Variants in NFE2L3 observed in about 807,000 individuals in gnomAD.
NFE2L3 encodes the protein nuclear factor erythroid 2-related factor 3.
In NFE2L3, 18 loss-of-function variants were observed where a neutral mutation model predicts 23.5. The observed-to-expected ratio is 0.77, with a 90% confidence interval of 0.53 to 1.13. NFE2L3 has a LOEUF of 1.13. Among genes scored for constraint, NFE2L3 ranks in the 50% most tolerant of loss-of-function variants. NFE2L3 has a pLI of 0.00. For synonymous variants in NFE2L3, 424 were observed against 354.5 expected (o/e 1.20, Z -2.20); for missense variants, 1,152 against 877.2 (o/e 1.31, Z -3.96).
At chr7:26,175,192 CAAAAAAAAAA>C (rs55911511) in intron 1 of NFE2L3, among the ~76,000 whole-genome samples, 5 of 101,806 alleles carry the variant, frequency 4.9e-5, no homozygotes, top group Non-Finnish European at 2.1e-5. Context: ...TAAAAAATAC[CAAAAAAAAAA>C]AAAAAAAAAT....
intron 1 of NFE2L3, among the ~76,000 whole-genome samples, chr7:26,167,824 G>A (rs940147944): frequency 6.6e-6 from 1 of 152,164 alleles, no homozygotes. Flanking sequence ...ATCATTAATT[G>A]CAAATCTTCA....
In NFE2L3 at chr7:26,177,947, A is replaced by G. The variant is rs189561439; in HGVS notation, c.575A>G (p.Asn192Ser). ...PDAGGCASEE[N>S]GVLREKHEAV... The stretch of plus-strand genomic sequence containing the variant: ...TGAAATTTCGTACTTTTATAGGAGA[A>G]TGGGGTACTAAGAGAAAAGCACGAA... Residue 192 changes from asparagine to serine, a missense_variant, in exon 2 of 4, where the codon AAT becomes AGT. Coordinates refer to ENST00000056233, the MANE Select transcript of NFE2L3 (RefSeq NM_004289.7). 62 of 1,611,520 alleles carry G rather than the reference A, an allele frequency of 3.8e-5. No individual in the cohort carries two copies. The African/African-American group carries it at 6.4e-4, about 17-fold the overall frequency.
chr7:26,158,971 A>G lies in NFE2L3; in HGVS notation c.570+5903A>G, dbSNP rs1198474255. Reference sequence around the variant, plus strand: ...GCAAGTTGAGCAGGGTTGATACACTATTAATAATTCAGGTGGGGCTTGTAC... The same window carrying G: ...GCAAGTTGAGCAGGGTTGATACACTGTTAATAATTCAGGTGGGGCTTGTAC... On this transcript the variant is annotated intron_variant, in intron 1 of 3. Transcript: ENST00000056233. Among the ~76,000 whole-genome samples, 6 of 152,232 alleles carry G rather than the reference A, an allele frequency of 3.9e-5. No homozygotes were observed. In the East Asian group the frequency reaches 1.2e-3, roughly 29 times the overall value.
At chr7:26,181,103 G>A (rs1784499015) in intron 2 of NFE2L3, among the ~76,000 whole-genome samples, 1 of 152,002 alleles carries the variant, frequency 6.6e-6, no homozygotes, top group Non-Finnish European at 1.5e-5. Context: ...AGCCTCCCAA[G>A]TAACTGGGGC....
At position 26,184,623 on chromosome 7, in the gene NFE2L3, A is replaced by T; in HGVS notation, c.925A>T (p.Ile309Leu). ...TTATCATGTAAACTTCAGCCAGGCT[A>T]TAAGTCAGGATGTGAATCTTCATGA... Reference protein sequence around the residue: ...AHYHVNFSQAISQDVNLHEAI... With the variant: ...AHYHVNFSQALSQDVNLHEAI... The change falls in exon 4 of 4, where the codon ATA becomes TTA. Residue 309 changes from isoleucine (I) to leucine (L), a missense_variant. Coordinates refer to ENST00000056233, the MANE Select transcript of NFE2L3 (RefSeq NM_004289.7). 6.2e-7 allele frequency: 1 copy of T among 1,613,900 alleles called. No individual in the cohort carries two copies. Among genetic ancestry groups the T allele is most frequent in the Non-Finnish European group, 8.5e-7 (1 of 1,179,796 alleles).
chr7:26,185,538 C>T lies in NFE2L3; in HGVS notation c.1840C>T (p.Gln614Ter). ...TTTAGAAGATGATGTATGTAACTTG[C>T]AAGCAAAGAAGGAAACTCTTAAGAG... Reference protein sequence around the residue: ...LNLEDDVCNLQAKKETLKREQ... With the variant: ...LNLEDDVCNL Residue 614 changes from glutamine (Q) to a stop codon, truncating the protein, a stop_gained, in exon 4 of 4, where the codon CAA becomes TAA. Coordinates refer to ENST00000056233, the MANE Select transcript of NFE2L3 (RefSeq NM_004289.7). LOFTEE classifies it low-confidence loss of function (END_TRUNC). 6.2e-7 allele frequency: 1 copy of T among 1,613,758 alleles called. No individual in the cohort carries two copies. The highest frequency in any genetic ancestry group is 8.5e-7 in the Non-Finnish European group (1 of 1,179,754).
In NFE2L3 at chr7:26,185,324, T is replaced by TAAA; in HGVS notation, c.1627_1629dup (p.Lys543dup). On this transcript the variant is annotated inframe_insertion, in exon 4 of 4. Transcript: ENST00000056233. ...ACTTGAGCCGTGATGAACAGCGTGC[T>TAAA]AAAGCTTTGCATATCCCTTTTTCTG... is the stretch of plus-strand genomic sequence containing the variant. The TAAA allele has an allele frequency of 1.9e-6, 3 of 1,613,948 alleles. No individual in the cohort carries two copies. The South Asian group carries it at 3.3e-5, about 18-fold the overall frequency.
chr7:26,153,247 C>G (rs1784027365), intron 1 of NFE2L3, among the ~76,000 whole-genome samples, 179 bp downstream of exon 1: 2 of 152,196 alleles, frequency 1.3e-5, no homozygotes, highest in Admixed American at 1.3e-4. Flanking sequence ...CTAGTGCTGT[C>G]GCTGTGGTTT....
intron 1 of NFE2L3, among the ~76,000 whole-genome samples, chr7:26,165,546 G>T (rs1400228928): frequency 1.3e-5 from 2 of 152,110 alleles, no homozygotes; most frequent in Non-Finnish European, 2.9e-5. Context: ...GGAGATCTTG[G>T]GCTGAGACGA....
At chr7:26,168,427 T>TGCCCAG (rs1554322150) in intron 1 of NFE2L3, among the ~76,000 whole-genome samples, 3 of 147,448 alleles carry the variant, frequency 2.0e-5, no homozygotes, top group Non-Finnish European at 3.0e-5. Flanking sequence ...TGAGCCACTG[T>TGCCCAG]AGTCTCCATT....
At chr7:26,161,163 C>G (rs1365539715) in intron 1 of NFE2L3, among the ~76,000 whole-genome samples, 1 of 152,030 alleles carries the variant, frequency 6.6e-6, no homozygotes, top group Non-Finnish European at 1.5e-5. Context: ...TGGGGCAGTT[C>G]CATGTTGAGA....
chr7:26,183,648 C>T, intron 2 of NFE2L3, 53 bp from the exon 3 acceptor site: 1 of 1,122,394 alleles, frequency 8.9e-7, no homozygotes, highest in Non-Finnish European at 1.4e-6. Flanking sequence ...GCCTAAAGCC[C>T]CAACCAGTTC....
At chr7:26,181,693 A>G (rs1405296834) in intron 2 of NFE2L3, among the ~76,000 whole-genome samples, 1 of 152,230 alleles carries the variant, frequency 6.6e-6, no homozygotes, top group Admixed American at 6.5e-5. Flanking sequence ...AAAAGTCAGG[A>G]TTCCTAGTCC....
chr7:26,184,511 G>A (rs1782429029), intron 3 of NFE2L3, 22 bp from the exon 4 acceptor site: 1 of 1,587,442 alleles, frequency 6.3e-7, no homozygotes, highest in Non-Finnish European at 8.6e-7. Context: ...CATGTTTGAA[G>A]TGTTTCTCCT....
At position 26,184,787 on chromosome 7, in the gene NFE2L3, ATT is replaced by A. The variant is rs1192210953; in HGVS notation, c.1091_1092del (p.Phe364SerfsTer5). ...CCCTTCCTGGAACTAATTTGACAGGATTTCTTTCACCGGTTGACAATCATATG... is the reference window on the plus strand; with the variant it reads ...CCCTTCCTGGAACTAATTTGACAGGATCTTTCACCGGTTGACAATCATATG... The part of the protein sequence containing the change: ...QTLPGTNLTG[F>X]LSPVDNHMRN... On this transcript the variant is annotated frameshift_variant, in exon 4 of 4. Coordinates refer to ENST00000056233, the MANE Select transcript of NFE2L3 (RefSeq NM_004289.7). LOFTEE classifies it low-confidence loss of function (END_TRUNC). The A allele has an allele frequency of 6.2e-7, 1 of 1,613,836 alleles. No homozygotes were observed. Among genetic ancestry groups the A allele is most frequent in the Non-Finnish European group, 8.5e-7 (1 of 1,179,858 alleles).
At chr7:26,162,539 C>G (rs1375636961) in intron 1 of NFE2L3, among the ~76,000 whole-genome samples, 1 of 151,962 alleles carries the variant, frequency 6.6e-6, no homozygotes, top group African/African-American at 2.4e-5. Flanking sequence ...CCTATTCTGC[C>G]TGCTGGGATA....
At chr7:26,160,021 A>C (rs2128097583) in intron 1 of NFE2L3, among the ~76,000 whole-genome samples, 1 of 143,240 alleles carries the variant, frequency 7.0e-6, no homozygotes, top group Non-Finnish European at 1.5e-5. Context: ...TGGTGCAGTC[A>C]TATCTTACTG....
At chr7:26,155,053 G>C (rs2128096962) in intron 1 of NFE2L3, among the ~76,000 whole-genome samples, 1 of 152,328 alleles carries the variant, frequency 6.6e-6, no homozygotes, top group African/African-American at 2.4e-5. Flanking sequence ...CAGCTGTCCA[G>C]CTCCTTACAG....
intron 1 of NFE2L3, among the ~76,000 whole-genome samples, chr7:26,175,666 T>C (rs1181609660): frequency 4.1e-5 from 6 of 147,608 alleles, no homozygotes; most frequent in African/African-American, 1.2e-4. Context: ...GTAGTCCCAG[T>C]TACTGGGGAG....
Sources: gnomAD v4.1 joint callset for allele counts (sites outside exome capture counted in the v4.1 genomes callset) on GRCh38, gnomAD v4.1.1 for gene constraint, MANE v1.5 for transcripts, NCBI Gene and HGNC (gene_info 2026-07-23, HGNC 2026-07-21) for gene names.